GRID2: variants seen among roughly 807,000 people sequenced by gnomAD.
GRID2 encodes glutamate ionotropic receptor delta type subunit 2.
GRID2 carries 33 observed loss-of-function variants against 114.8 expected under a neutral mutation model. The ratio of observed to expected loss-of-function variants is 0.29; its 90% CI spans 0.22 to 0.38. GRID2 has a LOEUF of 0.38. GRID2 is among the 10% of genes least tolerant of loss of function. The pLI is 1.00. For synonymous variants in GRID2, 505 were observed against 449.9 expected (o/e 1.12, Z -1.55); for missense variants, 1,184 against 1,257.7 (o/e 0.94, Z 0.89).
intron 1 of GRID2, among the ~76,000 whole-genome samples, chr4:92,452,943 GGTGT>G (rs10591876): frequency 4.0e-4 from 58 of 146,598 alleles, no homozygotes; most frequent in East Asian, 6.0e-4. Flanking sequence ...TAGACTGACA[GGTGT>G]GTGTGTGTGT....
intron 13 of GRID2, among the ~76,000 whole-genome samples, chr4:93,621,996 C>T (rs1404840803): frequency 2.0e-5 from 3 of 152,168 alleles, no homozygotes; most frequent in Admixed American, 2.0e-4. Flanking sequence ...AATATGTCGC[C>T]TACTGGGGAG....
At chr4:93,035,163 T>C in intron 2 of GRID2, among the ~76,000 whole-genome samples, 1 of 150,834 alleles carries the variant, frequency 6.6e-6, no homozygotes, top group Admixed American at 6.7e-5. Flanking sequence ...TGCAGTGCAG[T>C]AGTGCCATCT....
intron 3 of GRID2, among the ~76,000 whole-genome samples, chr4:93,097,639 A>T (rs532292789): frequency 2.6e-5 from 4 of 152,064 alleles, no homozygotes; most frequent in Middle Eastern, 6.8e-3. Context: ...TTGTTCCTTG[A>T]TGAGGCATCT....
rs770186876 is a variant in GRID2, at chr4:92,411,653, G to GTATATATATATATATATA, written c.88+106910_88+106911insATATATATATATATATAT. 8.2e-4 allele frequency among the ~76,000 whole-genome samples: 81 copies of GTATATATATATATATATA among 98,804 alleles called. 1 individual carries two copies. Among genetic ancestry groups the GTATATATATATATATATA allele is most frequent in the African/African-American group, 2.9e-3 (59 of 20,644 alleles). 64.8% of individuals were successfully genotyped at this position (98,804 alleles called of 152,430 possible). On this transcript the variant is annotated intron_variant, in intron 1 of 15. Transcript: ENST00000282020. ...TGTGTGTGTGTGTGTGTGTGTGTGT[G>GTATATATATATATATATA]TGTATATATATATATATATATATAT...
intron 1 of GRID2, among the ~76,000 whole-genome samples, chr4:92,411,810 A>G (rs991363768): frequency 2.6e-5 from 4 of 151,274 alleles, no homozygotes; most frequent in Non-Finnish European, 4.4e-5. Flanking sequence ...GGTTCACGCC[A>G]TTCTCCTGCC....
At chr4:93,635,610 T>G (rs1181132682) in intron 14 of GRID2, among the ~76,000 whole-genome samples, 1 of 152,002 alleles carries the variant, frequency 6.6e-6, no homozygotes, top group Non-Finnish European at 1.5e-5. Context: ...GATTTTTAAC[T>G]TAAAGAACTT....
chr4:92,435,132 G>T lies in GRID2; in HGVS notation c.88+130388G>T, dbSNP rs1240079846. ...TATTTACTGAGCCCTATGTAAGTGG[G>T]CACCCCATCTGCAGTTTTCCTAGAG... On this transcript the variant is annotated intron_variant, in intron 1 of 15. Coordinates refer to ENST00000282020, the MANE Select transcript of GRID2 (RefSeq NM_001510.4). Among the ~76,000 whole-genome samples, 5 of 152,106 alleles carry T rather than the reference G, an allele frequency of 3.3e-5. No homozygotes were observed. In the East Asian group the frequency reaches 9.6e-4, roughly 29 times the overall value.
intron 2 of GRID2, among the ~76,000 whole-genome samples, chr4:92,756,874 G>T (rs1297966355): frequency 1.3e-5 from 2 of 151,948 alleles, no homozygotes; most frequent in African/African-American, 4.8e-5. Context: ...GTCAGATAAA[G>T]ATTTTGCAAA....
chr4:92,599,080 C>T (rs144786031), intron 2 of GRID2, among the ~76,000 whole-genome samples: 1 of 127,074 alleles, frequency 7.9e-6, no homozygotes, highest in African/African-American at 3.1e-5. Flanking sequence ...TTTCCTTGGG[C>T]TGGTTCTGCT....
chr4:92,509,204 A>G (rs190964862), intron 1 of GRID2, among the ~76,000 whole-genome samples: 43 of 152,146 alleles, frequency 2.8e-4, no homozygotes, highest in Non-Finnish European at 4.9e-4. Context: ...CGATATTATT[A>G]AAAATGGACA....
chr4:93,614,427 C>G (rs890085445), intron 13 of GRID2, among the ~76,000 whole-genome samples: 2 of 152,030 alleles, frequency 1.3e-5, no homozygotes, highest in Non-Finnish European at 2.9e-5. Flanking sequence ...AAGTGACCAG[C>G]TTTTTAGATA....
intron 2 of GRID2, among the ~76,000 whole-genome samples, chr4:92,840,415 C>A (rs139544199): frequency 6.6e-6 from 1 of 151,852 alleles, no homozygotes; most frequent in Non-Finnish European, 1.5e-5. Context: ...TTTCTTTTCT[C>A]CCCTTCTTCC....
At chr4:93,404,538 T>A (rs1403577384) in intron 9 of GRID2, among the ~76,000 whole-genome samples, 1 of 152,124 alleles carries the variant, frequency 6.6e-6, no homozygotes, top group Non-Finnish European at 1.5e-5. Context: ...ACAATGGAGA[T>A]AATATAAATT....
intron 2 of GRID2, among the ~76,000 whole-genome samples, chr4:92,803,069 A>AT: frequency 6.6e-6 from 1 of 152,002 alleles, no homozygotes; most frequent in East Asian, 2.0e-4. Flanking sequence ...ATATCAGGAT[A>AT]TTTTTTGGAG....
At chr4:92,464,093 G>C (rs903229459) in intron 1 of GRID2, among the ~76,000 whole-genome samples, 3 of 151,848 alleles carry the variant, frequency 2.0e-5, no homozygotes, top group Admixed American at 6.6e-5. Flanking sequence ...AAATTGTAGA[G>C]CATGTAATTT....
In GRID2 at chr4:92,631,654, T is replaced by G. The variant is rs372186297; in HGVS notation, c.244+41368T>G. On this transcript the variant is annotated intron_variant, in intron 2 of 15. Transcript: ENST00000282020. ...GTTTTAAGTAGAGTTTTTATTTAAC[T>G]TGGGTTGCAGCTGAACAAAACATGT... Among the ~76,000 whole-genome samples, 5 of 152,272 alleles carry G rather than the reference T, an allele frequency of 3.3e-5. No individual in the cohort carries two copies. In the East Asian group the frequency reaches 9.7e-4, roughly 29 times the overall value.
At chr4:92,482,948 T>C (rs1436425412) in intron 1 of GRID2, among the ~76,000 whole-genome samples, 4 of 152,206 alleles carry the variant, frequency 2.6e-5, no homozygotes, top group Non-Finnish European at 5.9e-5. Flanking sequence ...ACTAATAATA[T>C]GTTGCAACAT....
chr4:93,781,455 A>G (rs1734477570), intron 1 of GRID2, among the ~76,000 whole-genome samples: 1 of 151,620 alleles, frequency 6.6e-6, no homozygotes, highest in African/African-American at 2.4e-5. Context: ...GGTGAGGCCC[A>G]CTGGGCTTCC....
chr4:92,686,293 A>G (rs1481952363), intron 2 of GRID2, among the ~76,000 whole-genome samples: 3 of 151,956 alleles, frequency 2.0e-5, no homozygotes, highest in African/African-American at 7.2e-5. Flanking sequence ...CTTCAGGAAT[A>G]TATCTTAATT....
Sources: allele counts gnomAD v4.1 joint callset (sites outside exome capture counted in the v4.1 genomes callset), GRCh38; gene constraint gnomAD v4.1.1; transcripts MANE v1.5; gene names NCBI Gene and HGNC (gene_info 2026-07-23, HGNC 2026-07-21).